Variants in TNFSF4 observed in about 807,000 individuals in gnomAD.
The protein encoded by TNFSF4 is tumor necrosis factor ligand superfamily member 4.
In TNFSF4, 4 loss-of-function variants were observed where a neutral mutation model predicts 7.3. The observed-to-expected ratio is 0.55, with a 90% CI of 0.27 to 1.25. The LOEUF is 1.25. Among genes scored for constraint, TNFSF4 ranks in the 50% most tolerant of loss-of-function variants. The pLI is 0.12. For synonymous variants in TNFSF4, 76 were observed against 83.7 expected (o/e 0.91, Z 0.50); for missense variants, 181 against 208.8 (o/e 0.87, Z 0.82).
At chr1:173,258,404 A>C in the TNFSF4 span, among the ~76,000 whole-genome samples, 1 of 152,066 alleles carries the variant, frequency 6.6e-6, no homozygotes, top group Non-Finnish European at 1.5e-5. Flanking sequence ...TCTCATCCCC[A>C]GCCAAAGGAG....
chr1:173,217,116 A>G, the TNFSF4 span, among the ~76,000 whole-genome samples: 5 of 152,190 alleles, frequency 3.3e-5, no homozygotes, highest in Admixed American at 6.5e-5. Context: ...CTCTTCTCTT[A>G]GCACAGACCA....
At chr1:173,259,095 C>T in the TNFSF4 span, among the ~76,000 whole-genome samples, 1 of 152,122 alleles carries the variant, frequency 6.6e-6, no homozygotes, top group African/African-American at 2.4e-5. Flanking sequence ...AGCATTCCCA[C>T]TGGCATCAGG....
At chr1:173,432,322 A>G in the TNFSF4 span, among the ~76,000 whole-genome samples, 1 of 152,222 alleles carries the variant, frequency 6.6e-6, no homozygotes, top group African/African-American at 2.4e-5. Flanking sequence ...TCAAATTCAT[A>G]TGTTGAAGTC....
chr1:173,177,032 A>T, the TNFSF4 span, among the ~76,000 whole-genome samples: 1 of 152,030 alleles, frequency 6.6e-6, no homozygotes, highest in Non-Finnish European at 1.5e-5. Context: ...TGTGCTTATT[A>T]CTTGGGTGAT....
chr1:173,397,186 C>T, the TNFSF4 span, among the ~76,000 whole-genome samples: 3 of 152,158 alleles, frequency 2.0e-5, no homozygotes, highest in African/African-American at 7.2e-5. Context: ...CAGAAAAGTT[C>T]TAGGTTAAGT....
the TNFSF4 span, among the ~76,000 whole-genome samples, chr1:173,178,236 T>C: frequency 1.3e-5 from 2 of 152,292 alleles, no homozygotes; most frequent in East Asian, 3.9e-4. Flanking sequence ...TTCTAATAGA[T>C]CCTTTAGGAA....
chr1:173,379,772 A>G, the TNFSF4 span, among the ~76,000 whole-genome samples: 1 of 152,230 alleles, frequency 6.6e-6, no homozygotes, highest in African/African-American at 2.4e-5. Flanking sequence ...GGAGCAGGCC[A>G]ATCACCCAGT....
chr1:173,441,142 C>A, the TNFSF4 span, among the ~76,000 whole-genome samples: 1 of 152,192 alleles, frequency 6.6e-6, no homozygotes, highest in African/African-American at 2.4e-5. Context: ...ACCACACTCA[C>A]CCCAAAGCCC....
the TNFSF4 span, among the ~76,000 whole-genome samples, chr1:173,283,934 A>G: frequency 6.6e-6 from 1 of 151,756 alleles, no homozygotes; most frequent in South Asian, 2.1e-4. Context: ...ATGCAAAAAA[A>G]AAAAAAAAAA....
At chr1:173,173,929 A>G in the TNFSF4 span, among the ~76,000 whole-genome samples, 3 of 152,318 alleles carry the variant, frequency 2.0e-5, no homozygotes, top group Admixed American at 2.0e-4. Context: ...TTGGTTCCTC[A>G]TTACTTAAGC....
chr1:173,369,121 TG>T, the TNFSF4 span, among the ~76,000 whole-genome samples: 2 of 151,880 alleles, frequency 1.3e-5, no homozygotes, highest in African/African-American at 2.4e-5. Context: ...ACTCCAAAAT[TG>T]GGGGGGATAT....
chr1:173,202,563 C>A (rs1649992072), intron 1 of TNFSF4, among the ~76,000 whole-genome samples: 1 of 152,174 alleles, frequency 6.6e-6, no homozygotes, highest in African/African-American at 2.4e-5. Flanking sequence ...CCCCCTAGTG[C>A]TGTTCAGATT....
chr1:173,285,866 T>C, the TNFSF4 span, among the ~76,000 whole-genome samples: 1 of 152,300 alleles, frequency 6.6e-6, no homozygotes, highest in Middle Eastern at 3.4e-3. Flanking sequence ...GTTGCTATAA[T>C]CTGAAACTGA....
chr1:173,258,891 T>C, the TNFSF4 span, among the ~76,000 whole-genome samples: 1 of 152,114 alleles, frequency 6.6e-6, no homozygotes, highest in African/African-American at 2.4e-5. Flanking sequence ...GGAGCAGCCA[T>C]GGTCTCTGTG....
At chr1:173,363,204 A>G in the TNFSF4 span, 1 of 284,686 alleles carries the variant, frequency 3.5e-6, no homozygotes, top group Non-Finnish European at 7.1e-6. Context: ...GTTGGCTCCA[A>G]ACATGTCTTT....
chr1:173,269,386 A>G, the TNFSF4 span, among the ~76,000 whole-genome samples: 5 of 152,170 alleles, frequency 3.3e-5, no homozygotes, highest in African/African-American at 1.2e-4. Context: ...GGTGTTAGCA[A>G]CCTCAACATA....
At chr1:173,398,299 C>T in the TNFSF4 span, among the ~76,000 whole-genome samples, 2 of 151,040 alleles carry the variant, frequency 1.3e-5, no homozygotes, top group Non-Finnish European at 2.9e-5. Context: ...ACCTAGTGAG[C>T]AAAAAGTAGA....
the TNFSF4 span, among the ~76,000 whole-genome samples, chr1:173,238,632 C>A: frequency 1.5e-4 from 23 of 150,796 alleles, no homozygotes; most frequent in African/African-American, 4.3e-4. Flanking sequence ...GACATACATG[C>A]GGCCAACAAA....
At chr1:173,376,559 A>G in the TNFSF4 span, among the ~76,000 whole-genome samples, 1 of 152,204 alleles carries the variant, frequency 6.6e-6, no homozygotes, top group African/African-American at 2.4e-5. Flanking sequence ...CACACCAATC[A>G]GTGCTCTGTG....
Sources: allele counts gnomAD v4.1 joint callset (sites outside exome capture counted in the v4.1 genomes callset), GRCh38; gene constraint gnomAD v4.1.1; transcripts MANE v1.5; gene names NCBI Gene and HGNC (gene_info 2026-07-23, HGNC 2026-07-21).